The following LMO7 variants were observed in gnomAD, a reference collection of about 807,000 sequenced individuals.
LMO7 encodes LIM domain 7.
A neutral mutation model predicts 206.5 loss-of-function variants in LMO7; 120 were observed. The ratio of observed to expected loss-of-function variants is 0.58; its 90% CI spans 0.50 to 0.68. LMO7 has a LOEUF of 0.68. Ranked by LOEUF, LMO7 falls within the 30% of genes least tolerant of loss-of-function variation. The pLI, the probability that LMO7 is intolerant of heterozygous loss-of-function variation, is 0.00. For missense variants in LMO7, 1,959 were observed against 1,957.9 expected, an observed-to-expected ratio of 1.00 and a Z score of -0.01; for synonymous variants, 706 against 681.5, an observed-to-expected ratio of 1.04 and a Z score of -0.56.
At chr13:75,742,944 GA>G (rs1302844143) in intron 3 of LMO7, among the ~76,000 whole-genome samples, 1 of 152,146 alleles carries the variant, frequency 6.6e-6, no homozygotes, top group Admixed American at 6.5e-5. Flanking sequence ...ACAACCTACA[GA>G]ATGGGAGAAA....
chr13:75,731,020 A>C (rs2045140838), intron 3 of LMO7, among the ~76,000 whole-genome samples: 1 of 151,594 alleles, frequency 6.6e-6, no homozygotes, highest in East Asian at 1.9e-4. Context: ...CTGTTCTTTT[A>C]CATTTGCTGA....
intron 2 of LMO7, among the ~76,000 whole-genome samples, chr13:75,719,596 C>T (rs2043853692): frequency 6.6e-6 from 1 of 152,112 alleles, no homozygotes; most frequent in Non-Finnish European, 1.5e-5. Flanking sequence ...GGCACTTCCC[C>T]CTTCACTTGC....
At chr13:75,623,898 A>G (rs1423289202) in intron 2 of LMO7, among the ~76,000 whole-genome samples, 1 of 152,174 alleles carries the variant, frequency 6.6e-6, no homozygotes, top group Non-Finnish European at 1.5e-5. Context: ...GGAGAATACA[A>G]TCAGTTTATA....
intron 15 of LMO7, among the ~76,000 whole-genome samples, chr13:75,825,819 C>T (rs183833284): frequency 6.6e-6 from 1 of 152,206 alleles, no homozygotes; most frequent in East Asian, 1.9e-4. Flanking sequence ...CTCCCTGAAA[C>T]TCTATTCAGA....
At chr13:75,679,108 G>A (rs921726165) in intron 1 of LMO7, among the ~76,000 whole-genome samples, 3 of 152,038 alleles carry the variant, frequency 2.0e-5, no homozygotes, top group Non-Finnish European at 2.9e-5. Context: ...TTCTTTTCAT[G>A]ACACAGAATA....
At chr13:75,709,777 T>A (rs1214663154) in intron 1 of LMO7, among the ~76,000 whole-genome samples, 1 of 152,242 alleles carries the variant, frequency 6.6e-6, no homozygotes, top group Admixed American at 6.5e-5. Context: ...TAGTTTCTTT[T>A]GCTGTGCAGA....
chr13:75,730,935 G>C (rs753667090), intron 3 of LMO7, among the ~76,000 whole-genome samples: 90 of 149,124 alleles, frequency 6.0e-4, no homozygotes, highest in Non-Finnish European at 1.1e-3. Flanking sequence ...GTAGTTGAGC[G>C]GTTTTGAGTG....
At chr13:75,836,628 G>A (rs936566367) in intron 19 of LMO7, among the ~76,000 whole-genome samples, 171 bp downstream of exon 19, 12 of 152,222 alleles carry the variant, frequency 7.9e-5, no homozygotes, top group African/African-American at 2.9e-4. Context: ...AGGGCGTTCA[G>A]TTCCAGTGCT....
intron 23 of LMO7, 70 bp downstream of exon 23, chr13:75,841,271 G>C: frequency 1.0e-6 from 1 of 982,230 alleles, no homozygotes; most frequent in Non-Finnish European, 1.6e-6. Context: ...TGAGAATCAG[G>C]AGACACTTCA....
intron 4 of LMO7, among the ~76,000 whole-genome samples, chr13:75,793,967 G>A (rs1007643408): frequency 6.6e-6 from 1 of 151,732 alleles, no homozygotes; most frequent in African/African-American, 2.4e-5. Flanking sequence ...TATTTGAGAG[G>A]TTGAACTTGT....
intron 1 of LMO7, among the ~76,000 whole-genome samples, chr13:75,690,025 C>T (rs557082070): frequency 1.3e-5 from 2 of 151,890 alleles, no homozygotes; most frequent in African/African-American, 4.8e-5. Context: ...CGAAGAGAAC[C>T]CTTTCCGACT....
chr13:75,826,132 C>T (rs916964995), intron 15 of LMO7, among the ~76,000 whole-genome samples: 2 of 152,068 alleles, frequency 1.3e-5, no homozygotes, highest in African/African-American at 2.4e-5. Flanking sequence ...CCTCAACCTC[C>T]TGGACTGAAG....
chr13:75,723,003 T>C (rs1477786934), intron 2 of LMO7, among the ~76,000 whole-genome samples: 1 of 152,112 alleles, frequency 6.6e-6, no homozygotes, highest in East Asian at 1.9e-4. Context: ...ACATTGGACT[T>C]TGGGGACTCG....
chr13:75,689,436 C>CAT (rs780881957), intron 1 of LMO7, among the ~76,000 whole-genome samples: 3 of 152,104 alleles, frequency 2.0e-5, no homozygotes, highest in African/African-American at 7.2e-5. Flanking sequence ...CAGTGTAGAG[C>CAT]ATACTGTGAT....
Position 75,840,093 on chromosome 13 carries a change from G to A in LMO7, c.3460G>A (p.Asp1154Asn). The part of the protein sequence containing the change: ...RSQFFEQGSS[D>N]SVVPDLPVPT... ...CATGTGCTGCAACACAGGAAGCTCT[G>A]ATTCGGTGGTTCCTGATGTAAGTAG... is the stretch of plus-strand genomic sequence containing the variant. The change falls in exon 21 of 31, where the codon GAT (aspartate) becomes AAT (asparagine). Residue 1154 changes from aspartate (D) to asparagine (N), a missense_variant. Physicochemically the swap from Asp to Asn is conservative, Grantham distance 23. Coordinates refer to ENST00000377534, the MANE Select transcript of LMO7 (RefSeq NM_001306080.2). 6.2e-7 allele frequency: 1 copy of A among 1,613,960 alleles called. No individual in the cohort carries two copies.
At chr13:75,813,765 A>G (rs893389784) in intron 11 of LMO7, among the ~76,000 whole-genome samples, 1 of 152,218 alleles carries the variant, frequency 6.6e-6, no homozygotes, top group Non-Finnish European at 1.5e-5. Flanking sequence ...TTAGCATTGC[A>G]TGGTGTAGGA....
chr13:75,753,002 T>A (rs2065742174), intron 3 of LMO7, among the ~76,000 whole-genome samples: 1 of 152,232 alleles, frequency 6.6e-6, no homozygotes, highest in Non-Finnish European at 1.5e-5. Context: ...CTTTGACAGA[T>A]CTCCACACTG....
intron 1 of LMO7, among the ~76,000 whole-genome samples, chr13:75,671,148 AC>A (rs1467065918): frequency 6.6e-6 from 1 of 151,808 alleles, no homozygotes; most frequent in African/African-American, 2.4e-5. Flanking sequence ...CTCCTATGAC[AC>A]CAATGCCTTC....
Position 75,859,609 on chromosome 13 carries a change from CTCTT to C in LMO7, c.*1672_*1675del, listed in dbSNP as rs1163121092. 6.6e-6 allele frequency: 1 copy of C among 152,100 alleles called. No individual in the cohort carries two copies. Among genetic ancestry groups the C allele is most frequent in the African/African-American group, 2.4e-5 (1 of 41,408 alleles). The allele number at this position is 152,100 out of a possible 1,614,324, so 9.4% of individuals were successfully genotyped here. A position where few individuals can be genotyped will look rare whatever the true frequency, so the allele number is the denominator to read the frequency against. On this transcript the variant is annotated 3_prime_UTR_variant, in exon 31 of 31. Coordinates refer to ENST00000377534, the MANE Select transcript of LMO7 (RefSeq NM_001306080.2). ...AAATTCTGTGATACTCTATGATCAT[CTCTT>C]TCTTTATATTATTTTCATAGACATG...
Sources: gnomAD v4.1 joint callset for allele counts (sites outside exome capture counted in the v4.1 genomes callset) on GRCh38, gnomAD v4.1.1 for gene constraint, MANE v1.5 for transcripts, NCBI Gene and HGNC (gene_info 2026-07-23, HGNC 2026-07-21) for gene names.